ESRRG: variants seen among roughly 807,000 people sequenced by gnomAD.
The protein encoded by ESRRG is estrogen related receptor gamma.
A neutral mutation model predicts 44.0 loss-of-function variants in ESRRG; 13 were observed. The observed-to-expected ratio is 0.30, with a 90% CI of 0.19 to 0.47. The LOEUF (loss-of-function observed/expected upper bound fraction) is 0.47. Ranked by LOEUF, ESRRG falls within the 20% of genes least tolerant of loss-of-function variation. The pLI is 1.00. For missense variants in ESRRG, 395 were observed against 580.6 expected (o/e 0.68, Z 3.29); for synonymous variants, 215 against 214.6 (o/e 1.00, Z -0.02).
At chr1:217,030,717 T>C (rs1319364225) in intron 1 of ESRRG, among the ~76,000 whole-genome samples, 1 of 152,238 alleles carries the variant, frequency 6.6e-6, no homozygotes, top group African/African-American at 2.4e-5. Flanking sequence ...GTTCCAGGGT[T>C]GTGTTGTCCA....
At chr1:216,572,020 T>A (rs1229435637) in intron 3 of ESRRG, among the ~76,000 whole-genome samples, 1 of 152,196 alleles carries the variant, frequency 6.6e-6, no homozygotes. Flanking sequence ...AAAAGCAGGC[T>A]AATATTTCCA....
chr1:217,022,037 T>C (rs989315485), intron 1 of ESRRG, among the ~76,000 whole-genome samples: 12 of 152,308 alleles, frequency 7.9e-5, no homozygotes, highest in Admixed American at 6.5e-4. Context: ...ATTTCCTAAA[T>C]AGGGATATTA....
At chr1:216,976,696 G>C (rs191656684) in intron 1 of ESRRG, among the ~76,000 whole-genome samples, 1 of 152,228 alleles carries the variant, frequency 6.6e-6, no homozygotes, top group East Asian at 1.9e-4. Flanking sequence ...GAACCTAACT[G>C]CCAGTTAGAC....
rs80027636 is a variant in ESRRG at position 216,691,339 on chromosome 1, A to G, written c.57-13848T>C. On this transcript the variant is annotated intron_variant, in intron 1 of 6. Coordinates refer to ENST00000408911, the MANE Select transcript of ESRRG (RefSeq NM_001438.4). ...AAAATACCACATATGAAACCTGACT[A>G]GGTAAAATGATACATTTCAAAAGAA... 3.0e-3 allele frequency among the ~76,000 whole-genome samples: 457 copies of G among 152,282 alleles called. 2 individuals are homozygous for G. Among genetic ancestry groups the G allele is most frequent in the African/African-American group, 0.011 (440 of 41,576 alleles).
chr1:216,798,546 C>T (rs1339234803), intron 2 of ESRRG, among the ~76,000 whole-genome samples: 1 of 152,160 alleles, frequency 6.6e-6, no homozygotes, highest in Admixed American at 6.5e-5. Context: ...TGGTCATCAA[C>T]AGCAGGGCAG....
At chr1:216,677,601 G>A in intron 1 of ESRRG, 110 bp from the exon 2 acceptor site, 1 of 979,224 alleles carries the variant, frequency 1.0e-6, no homozygotes, top group Non-Finnish European at 1.5e-6. Context: ...AAGGGAAAGG[G>A]AAAGGTAAAA....
At chr1:216,864,738 A>G (rs2149133758) in intron 2 of ESRRG, 1 of 152,240 alleles carries the variant, frequency 6.6e-6, no homozygotes, top group African/African-American at 2.4e-5. Flanking sequence ...GACCAACTTA[A>G]GAAGGAGGCA....
chr1:216,883,928 G>A (rs935532844), intron 2 of ESRRG, among the ~76,000 whole-genome samples: 2 of 152,090 alleles, frequency 1.3e-5, no homozygotes, highest in African/African-American at 2.4e-5. Flanking sequence ...CTAATGGGCT[G>A]TTCACTTAAT....
intron 1 of ESRRG, among the ~76,000 whole-genome samples, chr1:216,717,880 G>A (rs891860462): frequency 1.3e-5 from 2 of 151,830 alleles, no homozygotes; most frequent in Admixed American, 6.6e-5. Flanking sequence ...TTTACATTAA[G>A]ATGTATTTGT....
chr1:216,687,707 A>C (rs2078280533), intron 1 of ESRRG, among the ~76,000 whole-genome samples: 1 of 152,174 alleles, frequency 6.6e-6, no homozygotes. Flanking sequence ...AGGTCAACAC[A>C]GGCATGAAGT....
intron 1 of ESRRG, among the ~76,000 whole-genome samples, chr1:217,100,164 T>C (rs1053719716): frequency 5.9e-5 from 9 of 152,222 alleles, no homozygotes; most frequent in African/African-American, 2.2e-4. Context: ...AATTCCTCTT[T>C]TAAAATCACC....
chr1:216,867,059 T>A (rs1204027876), intron 2 of ESRRG, among the ~76,000 whole-genome samples: 1 of 152,178 alleles, frequency 6.6e-6, no homozygotes, highest in African/African-American at 2.4e-5. Flanking sequence ...ACTGGTGCTC[T>A]TCTTCAAAGG....
At chr1:216,537,214 GAC>G (rs2051241401) in intron 5 of ESRRG, among the ~76,000 whole-genome samples, 1 of 152,096 alleles carries the variant, frequency 6.6e-6, no homozygotes, top group East Asian at 1.9e-4. Context: ...TTATGAAAGA[GAC>G]CAGAGAGCTC....
chr1:216,728,664 A>C (rs1169556432), intron 2 of ESRRG, among the ~76,000 whole-genome samples: 1 of 152,092 alleles, frequency 6.6e-6, no homozygotes, highest in African/African-American at 2.4e-5. Flanking sequence ...AAAAATATAT[A>C]TATCATAAAA....
intron 2 of ESRRG, among the ~76,000 whole-genome samples, chr1:216,803,307 A>G (rs2094682872): frequency 6.6e-6 from 1 of 152,152 alleles, no homozygotes; most frequent in Non-Finnish European, 1.5e-5. Flanking sequence ...AAATCTTCAG[A>G]ATCTACAGTA....
intron 2 of ESRRG, among the ~76,000 whole-genome samples, chr1:216,913,080 C>T (rs1158096284): frequency 1.5e-5 from 2 of 133,244 alleles, no homozygotes; most frequent in Non-Finnish European, 3.1e-5. Flanking sequence ...ACCGAGATCG[C>T]ACTACTGCAC....
At chr1:216,754,998 G>A (rs557576063) in intron 2 of ESRRG, among the ~76,000 whole-genome samples, 3 of 152,000 alleles carry the variant, frequency 2.0e-5, no homozygotes, top group South Asian at 2.1e-4. Context: ...GATAGACTAT[G>A]GAAGAAGGAG....
rs202226654 is a variant in ESRRG at position 216,557,673 on chromosome 1, G to GA, written c.862+6545dup. ...TTTTATATTTAAAGCTTAATCCCATGAAAAAAAATAAAGCTGAATAAATTC... is the reference window on the plus strand; with the variant it reads ...TTTTATATTTAAAGCTTAATCCCATGAAAAAAAAATAAAGCTGAATAAATTC... On this transcript the variant is annotated intron_variant, in intron 5 of 6. Coordinates refer to ENST00000408911, the MANE Select transcript of ESRRG (RefSeq NM_001438.4). Among the ~76,000 whole-genome samples, 926 of 151,826 alleles carry GA rather than the reference G, an allele frequency of 6.1e-3. 9 individuals are homozygous for GA. Among genetic ancestry groups the GA allele is most frequent in the Middle Eastern group, 0.021 (6 of 290 alleles).
At chr1:216,719,795 C>A (rs779020606) in intron 1 of ESRRG, among the ~76,000 whole-genome samples, 3 of 151,900 alleles carry the variant, frequency 2.0e-5, no homozygotes, top group Non-Finnish European at 4.4e-5. Context: ...GGTTAATTAC[C>A]GCTGCAACAC....
Sources: allele counts gnomAD v4.1 joint callset (sites outside exome capture counted in the v4.1 genomes callset), GRCh38; gene constraint gnomAD v4.1.1; transcripts MANE v1.5; gene names NCBI Gene and HGNC (gene_info 2026-07-23, HGNC 2026-07-21).